Variants in ZGRF1 observed in about 807,000 individuals in gnomAD.
ZGRF1 encodes the protein 5'-3' DNA helicase ZGRF1.
In ZGRF1, 196 loss-of-function variants were observed where a neutral mutation model predicts 203.5. The observed-to-expected ratio is 0.96, with a 90% CI of 0.86 to 1.08. ZGRF1 has a LOEUF of 1.08. ZGRF1 is among the 50% of genes least tolerant of loss of function. The pLI is 0.00. For synonymous variants in ZGRF1, 809 were observed against 841.3 expected, an observed-to-expected ratio of 0.96 and a Z score of 0.66; for missense variants, 2,326 against 2,416.3, an observed-to-expected ratio of 0.96 and a Z score of 0.78.
rs1272656489 is a variant in ZGRF1 at position 112,636,876 on chromosome 4, T to C, written c.-92A>G. ...CTGTCAAATTGCACAAAATCCACTT[T>C]CGAATTTCTCCCGCGAAACAACGTG... On this transcript the variant is annotated 5_prime_UTR_variant, in exon 1 of 28. Coordinates refer to ENST00000505019, the MANE Select transcript of ZGRF1 (RefSeq NM_018392.5). 6.6e-6 allele frequency: 1 copy of C among 152,120 alleles called. No individual in the cohort carries two copies. Among genetic ancestry groups the C allele is most frequent in the Non-Finnish European group, 1.5e-5 (1 of 68,048 alleles). 9.4% of individuals were successfully genotyped at this position (152,120 alleles called of 1,614,324 possible). A position where few individuals can be genotyped will look rare whatever the true frequency, so the allele number is the denominator to read the frequency against.
intron 2 of ZGRF1, among the ~76,000 whole-genome samples, chr4:112,632,685 T>C (rs1447520377): frequency 6.6e-6 from 1 of 152,218 alleles, no homozygotes; most frequent in Non-Finnish European, 1.5e-5. Flanking sequence ...AAAACATCAA[T>C]AGACGTAAGA....
At chr4:112,545,137 A>T (rs904827767) in intron 24 of ZGRF1, among the ~76,000 whole-genome samples, 1 of 152,196 alleles carries the variant, frequency 6.6e-6, no homozygotes, top group Non-Finnish European at 1.5e-5. Context: ...AAAAATAGGT[A>T]AACTGAACTT....
chr4:112,608,863 T>C (rs2149116171), intron 8 of ZGRF1, among the ~76,000 whole-genome samples: 1 of 152,314 alleles, frequency 6.6e-6, no homozygotes, highest in Admixed American at 6.5e-5. Flanking sequence ...TGGTAATGTT[T>C]GCAAGTTTGC....
chr4:112,575,203 T>A (rs1187288836), intron 16 of ZGRF1, among the ~76,000 whole-genome samples: 1 of 152,210 alleles, frequency 6.6e-6, no homozygotes, highest in Non-Finnish European at 1.5e-5. Flanking sequence ...CACAGTTGAA[T>A]CAATATACTT....
intron 14 of ZGRF1, among the ~76,000 whole-genome samples, chr4:112,584,729 G>T (rs1746875601): frequency 6.6e-6 from 1 of 152,082 alleles, no homozygotes; most frequent in South Asian, 2.1e-4. Flanking sequence ...ATGAATTTTT[G>T]CTTTTGACAC....
chr4:112,616,220 A>G (rs1057112465), intron 6 of ZGRF1, among the ~76,000 whole-genome samples: 19 of 152,072 alleles, frequency 1.2e-4, no homozygotes, highest in African/African-American at 4.3e-4. Flanking sequence ...TTGTGAGAGT[A>G]CAGAAACACA....
Position 112,539,544 on chromosome 4 carries a change from T to C in ZGRF1, c.*3A>G. On this transcript the variant is annotated 3_prime_UTR_variant, in exon 28 of 28. Transcript: ENST00000505019. The stretch of plus-strand genomic sequence containing the variant: ...AAATACAAAATATTTACACCATGTC[T>C]TTTTATGAATGAGATTTATCTTTAG... 1 of 1,298,558 alleles carries C rather than the reference T, an allele frequency of 7.7e-7. No individual in the cohort carries two copies. 80.4% of individuals were successfully genotyped at this position (1,298,558 alleles called of 1,614,324 possible).
At chr4:112,613,797 G>A (rs1288479534) in intron 6 of ZGRF1, among the ~76,000 whole-genome samples, 2 of 151,946 alleles carry the variant, frequency 1.3e-5, no homozygotes, top group African/African-American at 4.8e-5. Flanking sequence ...TTAAAAAAAA[G>A]TACATATTCA....
chr4:112,569,997 T>C (rs1743916832), intron 16 of ZGRF1, among the ~76,000 whole-genome samples: 1 of 152,100 alleles, frequency 6.6e-6, no homozygotes, highest in Admixed American at 6.6e-5. Context: ...ATTTAAAACA[T>C]ATATGTACCC....
At chr4:112,615,503 C>T (rs2046835736) in intron 6 of ZGRF1, among the ~76,000 whole-genome samples, 1 of 152,234 alleles carries the variant, frequency 6.6e-6, no homozygotes, top group South Asian at 2.1e-4. Flanking sequence ...GGATTACAGG[C>T]ATGAGCCACC....
intron 6 of ZGRF1, among the ~76,000 whole-genome samples, chr4:112,613,777 AT>A (rs1418010621): frequency 6.6e-6 from 1 of 151,954 alleles, no homozygotes; most frequent in Middle Eastern, 3.2e-3. Context: ...AAAAATAGAA[AT>A]TTTTTTTCTT....
chr4:112,586,675 T>C (rs897548059), intron 12 of ZGRF1, 92 bp from the exon 13 acceptor site: 12 of 1,010,014 alleles, frequency 1.2e-5, no homozygotes, highest in Non-Finnish European at 9.4e-6. Context: ...TTTTTAAAAA[T>C]ATTAATTTTT....
In ZGRF1 at chr4:112,539,400, G is replaced by T; in HGVS notation, c.*147C>A. On this transcript the variant is annotated 3_prime_UTR_variant, in exon 28 of 28. Transcript: ENST00000505019. ...TATACTACCTTTTGTACACTTTTTT[G>T]AAGAACAAAATTTTTACATGTGTTT... 2 of 482,088 alleles carry T rather than the reference G, an allele frequency of 4.1e-6. No homozygotes were observed. The highest frequency in any genetic ancestry group is 3.5e-6 in the Non-Finnish European group (1 of 289,104). 29.9% of individuals were successfully genotyped at this position (482,088 alleles called of 1,614,324 possible). A position where few individuals can be genotyped will look rare whatever the true frequency, so the allele number is the denominator to read the frequency against.
intron 16 of ZGRF1, among the ~76,000 whole-genome samples, chr4:112,567,032 G>A (rs1205957525): frequency 6.6e-6 from 1 of 152,040 alleles, no homozygotes; most frequent in Non-Finnish European, 1.5e-5. Flanking sequence ...ATCACAGGCA[G>A]TCTCCACCTC....
intron 1 of ZGRF1, among the ~76,000 whole-genome samples, chr4:112,635,831 T>A (rs572772275): frequency 6.6e-6 from 1 of 151,952 alleles, no homozygotes. Context: ...ATAACTTATA[T>A]GCTATTTCAC....
rs933440114 is a variant in ZGRF1 at position 112,587,401 on chromosome 4, T to C, written c.3656A>G (p.Gln1219Arg). The C allele has an allele frequency of 3.1e-6, 5 of 1,613,942 alleles. No homozygotes were observed. The highest frequency in any genetic ancestry group is 4.2e-6 in the Non-Finnish European group (5 of 1,179,852). The change falls in exon 12 of 28, where the codon CAA becomes CGA. Residue 1219 changes from glutamine to arginine, a missense_variant. Physicochemically the swap from Gln to Arg is conservative, Grantham distance 43. Transcript: ENST00000505019. ...LYQQRQDFSS[Q>R]DSVSRKKVLS... ...TACTTTCTTTCTGGAAACCGAATCT[T>C]GACTGCTAAAATCCTGCCGCTGTTG...
At chr4:112,636,097 A>G (rs895986468) in intron 1 of ZGRF1, among the ~76,000 whole-genome samples, 4 of 152,194 alleles carry the variant, frequency 2.6e-5, no homozygotes, top group African/African-American at 9.6e-5. Flanking sequence ...CATCATATAT[A>G]TTTAAGTGAG....
chr4:112,590,085 A>C (rs1180930706), intron 10 of ZGRF1, among the ~76,000 whole-genome samples: 1 of 152,196 alleles, frequency 6.6e-6, no homozygotes, highest in Non-Finnish European at 1.5e-5. Flanking sequence ...TACAGAGCAT[A>C]AAATCTTTCA....
intron 11 of ZGRF1, 131 bp downstream of exon 11, chr4:112,589,593 G>T: frequency 1.3e-6 from 1 of 766,504 alleles, no homozygotes; most frequent in Non-Finnish European, 2.2e-6. Context: ...AAGGAAGAAA[G>T]GTTATGGAAA....
Sources: gnomAD v4.1 joint callset for allele counts (sites outside exome capture counted in the v4.1 genomes callset) on GRCh38, gnomAD v4.1.1 for gene constraint, MANE v1.5 for transcripts, NCBI Gene and HGNC (gene_info 2026-07-23, HGNC 2026-07-21) for gene names.